KCNJ3: variants seen among roughly 807,000 people sequenced by gnomAD.
The protein encoded by KCNJ3 is potassium inwardly rectifying channel subfamily J member 3, also known as G protein-activated inward rectifier potassium channel 1.
KCNJ3 carries 4 observed loss-of-function variants against 39.2 expected under a neutral mutation model. That is an observed-to-expected ratio of 0.10 (90% CI 0.05 to 0.23). The LOEUF (loss-of-function observed/expected upper bound fraction) is 0.23. Among genes scored for constraint, KCNJ3 ranks in the 10% least tolerant of loss-of-function variants. The pLI, the probability that KCNJ3 is intolerant of heterozygous loss-of-function variation, is 1.00. For synonymous variants in KCNJ3, 230 were observed against 237.4 expected (o/e 0.97, Z 0.29); for missense variants, 276 against 634.9 (o/e 0.43, Z 6.08).
intron 2 of KCNJ3, among the ~76,000 whole-genome samples, chr2:154,823,894 G>T (rs1010554616): frequency 2.6e-5 from 4 of 152,064 alleles, no homozygotes; most frequent in Admixed American, 6.6e-5. Flanking sequence ...TTAGCATAAA[G>T]GAAGTACTCA....
intron 2 of KCNJ3, among the ~76,000 whole-genome samples, chr2:154,736,748 C>A (rs1296020156): frequency 6.6e-6 from 1 of 152,130 alleles, no homozygotes; most frequent in Non-Finnish European, 1.5e-5. Flanking sequence ...AACAACTGAG[C>A]AAAACATATT....
At chr2:154,820,685 T>C (rs569824934) in intron 2 of KCNJ3, among the ~76,000 whole-genome samples, 4 of 152,298 alleles carry the variant, frequency 2.6e-5, no homozygotes, top group East Asian at 1.9e-4. Flanking sequence ...AGTGTCTAAA[T>C]TCCTTTTCAG....
chr2:154,762,335 T>A (rs1686060544), intron 2 of KCNJ3, among the ~76,000 whole-genome samples: 1 of 152,188 alleles, frequency 6.6e-6, no homozygotes, highest in Non-Finnish European at 1.5e-5. Flanking sequence ...GTTGTCATAG[T>A]GTGAAGAGTT....
chr2:154,731,646 CTT>C (rs1685450492), intron 2 of KCNJ3, among the ~76,000 whole-genome samples: 1 of 150,870 alleles, frequency 6.6e-6, no homozygotes, highest in Non-Finnish European at 1.5e-5. Context: ...GTATTGCTGT[CTT>C]ATATATTTGT....
At chr2:154,833,424 A>G (rs1173745784) in intron 2 of KCNJ3, among the ~76,000 whole-genome samples, 2 of 152,224 alleles carry the variant, frequency 1.3e-5, no homozygotes, top group Non-Finnish European at 2.9e-5. Context: ...TTAAGCAAGT[A>G]GTACAGGGAG....
intron 2 of KCNJ3, among the ~76,000 whole-genome samples, chr2:154,797,682 C>T (rs1387445655): frequency 6.6e-6 from 1 of 151,910 alleles, no homozygotes; most frequent in Non-Finnish European, 1.5e-5. Context: ...GTACATATGT[C>T]CTACTGTAAC....
At chr2:154,799,470 G>A (rs1462665244) in intron 2 of KCNJ3, among the ~76,000 whole-genome samples, 1 of 152,164 alleles carries the variant, frequency 6.6e-6, no homozygotes, top group Admixed American at 6.5e-5. Context: ...GCTGAGGAAG[G>A]AGGAGGGGTG....
chr2:154,855,070 T>C lies in KCNJ3; in HGVS notation c.1263T>C (p.Ser421=). The C allele has an allele frequency of 6.2e-7, 1 of 1,614,068 alleles. No individual in the cohort carries two copies. Among genetic ancestry groups the C allele is most frequent in the East Asian group, 2.2e-5 (1 of 44,858 alleles). The change falls in exon 3 of 3, where the codon TCT becomes TCC. Residue 421 remains serine, a synonymous_variant. Coordinates refer to ENST00000295101, the MANE Select transcript of KCNJ3 (RefSeq NM_002239.4). ...DFPKKLLRMS[S]TTSEKAYSLG... ...CCAAAAAACTCTTGAGGATGAGTTC[T>C]ACAACTTCAGAAAAAGCCTACAGCT...
At chr2:154,738,421 C>T (rs3111007) in intron 2 of KCNJ3, among the ~76,000 whole-genome samples, 71,761 of 151,698 alleles carry the variant, frequency 0.47, 17,150 homozygotes, top group African/African-American at 0.5. Flanking sequence ...ATGCCTGTAA[C>T]TGAATTGTTT....
intron 2 of KCNJ3, among the ~76,000 whole-genome samples, chr2:154,830,569 G>C (rs1439890317): frequency 6.6e-6 from 1 of 152,122 alleles, no homozygotes; most frequent in African/African-American, 2.4e-5. Flanking sequence ...CCCAGCCAGT[G>C]CTCTGTCAGC....
chr2:154,813,324 A>G (rs1456490421), intron 2 of KCNJ3, among the ~76,000 whole-genome samples: 1 of 152,066 alleles, frequency 6.6e-6, no homozygotes, highest in Non-Finnish European at 1.5e-5. Context: ...CCCCATCCAT[A>G]ATCTCTGCAA....
intron 2 of KCNJ3, among the ~76,000 whole-genome samples, chr2:154,717,005 CAAAT>C (rs2105157199): frequency 1.3e-5 from 2 of 152,294 alleles, no homozygotes; most frequent in South Asian, 4.1e-4. Context: ...ACTGTGTACT[CAAAT>C]GAATGTTAAG....
Position 154,855,500 on chromosome 2 carries a change from C to T in KCNJ3, c.*187C>T. Reference sequence around the variant, plus strand: ...AGCAACAGTTACGGAGGGAGGACATCATAAGGAAGTTATTAACGGGCATGT... The same window carrying T: ...AGCAACAGTTACGGAGGGAGGACATTATAAGGAAGTTATTAACGGGCATGT... On this transcript the variant is annotated 3_prime_UTR_variant, in exon 3 of 3. Transcript: ENST00000295101. The T allele has an allele frequency of 1.9e-6, 1 of 530,628 alleles. No individual in the cohort carries two copies. The highest frequency in any genetic ancestry group is 3.2e-5 in the South Asian group (1 of 31,690). The allele number at this position is 530,628 out of a possible 1,614,324, so 32.9% of individuals were successfully genotyped here. A position where few individuals can be genotyped will look rare whatever the true frequency, so the allele number is the denominator to read the frequency against.
At position 154,855,616 on chromosome 2, in the gene KCNJ3, G is replaced by GAAA. The variant is rs33975324; in HGVS notation, c.*309_*311dup. On this transcript the variant is annotated 3_prime_UTR_variant, in exon 3 of 3. Transcript: ENST00000295101. ...TGGCATATTTATATTGTATATTCTGGAAAAAAAATATATATATATATTTAA... is the reference window on the plus strand; with the variant it reads ...TGGCATATTTATATTGTATATTCTGGAAAAAAAAAAATATATATATATATTTAA... The GAAA allele has an allele frequency of 9.4e-5, 14 of 149,174 alleles. No individual in the cohort carries two copies. Among genetic ancestry groups the GAAA allele is most frequent in the East Asian group, 4.3e-4 (2 of 4,658 alleles). The allele number at this position is 149,174 out of a possible 1,614,324, so 9.2% of individuals were successfully genotyped here.
Position 154,855,941 on chromosome 2 carries a change from A to G in KCNJ3, c.*628A>G, listed in dbSNP as rs1187229893. On this transcript the variant is annotated 3_prime_UTR_variant, in exon 3 of 3. Coordinates refer to ENST00000295101, the MANE Select transcript of KCNJ3 (RefSeq NM_002239.4). ...AGCCTTAAATTTTTGTCATTTTAAA[A>G]TCTGATTTAATGTTTTCTGCTGTTT... The G allele has an allele frequency of 6.6e-6, 1 of 152,510 alleles. No individual in the cohort carries two copies. Among genetic ancestry groups the G allele is most frequent in the African/African-American group, 2.4e-5 (1 of 41,430 alleles). 9.4% of individuals were successfully genotyped at this position (152,510 alleles called of 1,614,324 possible).
intron 1 of KCNJ3, among the ~76,000 whole-genome samples, chr2:154,702,376 T>G (rs1684918538): frequency 6.6e-6 from 1 of 151,984 alleles, no homozygotes; most frequent in African/African-American, 2.4e-5. Context: ...AAAGCTTCTT[T>G]AGATAAATGT....
intron 2 of KCNJ3, among the ~76,000 whole-genome samples, chr2:154,838,995 G>C (rs1161158747): frequency 1.3e-5 from 2 of 152,028 alleles, no homozygotes; most frequent in Non-Finnish European, 1.5e-5. Context: ...TGTGCACAAC[G>C]TGCAGGTTTG....
At chr2:154,712,425 T>C (rs950031756) in intron 2 of KCNJ3, among the ~76,000 whole-genome samples, 10 of 152,212 alleles carry the variant, frequency 6.6e-5, no homozygotes, top group Non-Finnish European at 1.2e-4. Flanking sequence ...ATCTTGTGAA[T>C]AAACTTTTCA....
chr2:154,728,006 TA>T (rs1454261090), intron 2 of KCNJ3, among the ~76,000 whole-genome samples: 1 of 151,632 alleles, frequency 6.6e-6, no homozygotes. Flanking sequence ...TTTATAAAAT[TA>T]TGAAGTTCCA....
Sources: allele counts gnomAD v4.1 joint callset (sites outside exome capture counted in the v4.1 genomes callset), GRCh38; gene constraint gnomAD v4.1.1; transcripts MANE v1.5; gene names NCBI Gene and HGNC (gene_info 2026-07-23, HGNC 2026-07-21).